ZFHX3: variants seen among roughly 807,000 people sequenced by gnomAD.
ZFHX3 encodes the protein zinc finger homeobox 3.
In ZFHX3, 42 loss-of-function variants were observed where a neutral mutation model predicts 279.1. The observed-to-expected ratio is 0.15, with a 90% confidence interval of 0.12 to 0.19. The LOEUF (loss-of-function observed/expected upper bound fraction) is 0.19. Ranked by LOEUF, ZFHX3 falls within the 10% of genes least tolerant of loss-of-function variation. The pLI is 1.00. For synonymous variants in ZFHX3, 2,293 were observed against 1,957.8 expected (o/e 1.17, Z -4.52); for missense variants, 4,981 against 4,754.0 (o/e 1.05, Z -1.40).
intron 4 of ZFHX3, among the ~76,000 whole-genome samples, chr16:72,831,141 G>A (rs1184401049): frequency 6.6e-6 from 1 of 152,108 alleles, no homozygotes; most frequent in Non-Finnish European, 1.5e-5. Flanking sequence ...CTAGAAAACA[G>A]CCTCTAAATG....
At chr16:73,150,520 T>C (rs1276454032) in intron 5 of ZFHX3, among the ~76,000 whole-genome samples, 2 of 152,222 alleles carry the variant, frequency 1.3e-5, no homozygotes, top group Non-Finnish European at 2.9e-5. Context: ...CTGTTGTAAT[T>C]ATATTATTAT....
At chr16:73,407,677 C>T (rs1446574173) in intron 3 of ZFHX3, among the ~76,000 whole-genome samples, 1 of 152,218 alleles carries the variant, frequency 6.6e-6, no homozygotes, top group Non-Finnish European at 1.5e-5. Context: ...CCCTCCCTTC[C>T]TCTCCTGCAT....
At chr16:73,254,779 T>C (rs1424668977) in intron 5 of ZFHX3, among the ~76,000 whole-genome samples, 1 of 152,238 alleles carries the variant, frequency 6.6e-6, no homozygotes, top group Non-Finnish European at 1.5e-5. Flanking sequence ...TATTTCTAAG[T>C]AAACTAGCTC....
chr16:72,972,888 C>T (rs1314592302), intron 1 of ZFHX3, among the ~76,000 whole-genome samples: 1 of 152,146 alleles, frequency 6.6e-6, no homozygotes, highest in Non-Finnish European at 1.5e-5. Flanking sequence ...TCCACTTATT[C>T]GATAAAATTC....
chr16:73,846,187 T>C (rs561151385), intron 1 of ZFHX3, among the ~76,000 whole-genome samples: 2 of 152,276 alleles, frequency 1.3e-5, no homozygotes, highest in South Asian at 2.1e-4. Flanking sequence ...TCAACATTCA[T>C]GGATCTATAC....
chr16:73,659,763 C>T (rs557393798), intron 2 of ZFHX3, among the ~76,000 whole-genome samples: 13 of 152,172 alleles, frequency 8.5e-5, no homozygotes, highest in East Asian at 3.9e-4. Context: ...CTCATCTGGG[C>T]GTATATCGTG....
At chr16:73,424,753 C>CAAAAAA (rs71156163) in intron 3 of ZFHX3, among the ~76,000 whole-genome samples, 1 of 95,816 alleles carries the variant, frequency 1.0e-5, no homozygotes, top group African/African-American at 4.7e-5. Context: ...TACCCTGTGT[C>CAAAAAA]AAAAAAAAAA....
At chr16:73,441,371 A>C (rs1051727956) in intron 3 of ZFHX3, among the ~76,000 whole-genome samples, 1 of 152,128 alleles carries the variant, frequency 6.6e-6, no homozygotes, top group Non-Finnish European at 1.5e-5. Context: ...CCAGATCAAC[A>C]TCCTGAACTC....
chr16:73,429,920 C>T (rs2017882809), intron 3 of ZFHX3, among the ~76,000 whole-genome samples: 1 of 152,262 alleles, frequency 6.6e-6, no homozygotes, highest in East Asian at 1.9e-4. Context: ...CAGGGCCTTG[C>T]TCTGTCGCCC....
chr16:73,436,189 C>T (rs936216528), intron 3 of ZFHX3, among the ~76,000 whole-genome samples: 1 of 152,166 alleles, frequency 6.6e-6, no homozygotes, highest in Non-Finnish European at 1.5e-5. Flanking sequence ...GCCATGGTGG[C>T]ACATGCCTGT....
chr16:73,497,287 C>CT (rs1388394522), intron 2 of ZFHX3, among the ~76,000 whole-genome samples: 1 of 152,040 alleles, frequency 6.6e-6, no homozygotes, highest in African/African-American at 2.4e-5. Context: ...CAAAAACTGT[C>CT]TGACAAAATC....
chr16:73,834,975 C>A (rs949006489), intron 1 of ZFHX3, among the ~76,000 whole-genome samples: 1 of 152,118 alleles, frequency 6.6e-6, no homozygotes, highest in Non-Finnish European at 1.5e-5. Flanking sequence ...CAAGATTTTG[C>A]AGTGTTTGTA....
chr16:73,647,198 G>C (rs955506270), intron 2 of ZFHX3, among the ~76,000 whole-genome samples: 1 of 151,984 alleles, frequency 6.6e-6, no homozygotes, highest in African/African-American at 2.4e-5. Flanking sequence ...ATTTTTAGTA[G>C]AGACGGGGTT....
chr16:73,534,795 T>G (rs955396330), intron 2 of ZFHX3, among the ~76,000 whole-genome samples: 1 of 152,202 alleles, frequency 6.6e-6, no homozygotes, highest in African/African-American at 2.4e-5. Flanking sequence ...TTTTATAACA[T>G]CAGATGTAAA....
At chr16:73,541,041 C>G (rs546041784) in intron 2 of ZFHX3, among the ~76,000 whole-genome samples, 10 of 152,312 alleles carry the variant, frequency 6.6e-5, no homozygotes, top group South Asian at 6.2e-4. Flanking sequence ...GCCTACCCAG[C>G]AGGAGTTACC....
At chr16:72,962,099 G>A (rs1961608349) in intron 1 of ZFHX3, among the ~76,000 whole-genome samples, 2 of 152,216 alleles carry the variant, frequency 1.3e-5, no homozygotes, top group African/African-American at 2.4e-5. Flanking sequence ...CAGCCCGATT[G>A]TAAAATCAAT....
intron 2 of ZFHX3, among the ~76,000 whole-genome samples, chr16:73,579,854 T>TTATATATA (rs200667144): frequency 0.03 from 4,273 of 140,876 alleles, 280 homozygotes; most frequent in Admixed American, 0.12. Flanking sequence ...ATTATACAGA[T>TTATATATA]TATATATATA....
At chr16:73,676,413 T>TC (rs397712463) in intron 2 of ZFHX3, among the ~76,000 whole-genome samples, 45 of 151,238 alleles carry the variant, frequency 3.0e-4, no homozygotes, top group African/African-American at 7.3e-4. Flanking sequence ...ATGACTTTTT[T>TC]CCCCTTAAAT....
intron 3 of ZFHX3, among the ~76,000 whole-genome samples, chr16:73,356,008 A>G (rs758975462): frequency 1.3e-5 from 2 of 151,884 alleles, no homozygotes; most frequent in Non-Finnish European, 1.5e-5. Flanking sequence ...CAACCTTTCC[A>G]CTGTACACTT....
Sources: gnomAD v4.1 joint callset for allele counts (sites outside exome capture counted in the v4.1 genomes callset) on GRCh38, gnomAD v4.1.1 for gene constraint, MANE v1.5 for transcripts, NCBI Gene and HGNC (gene_info 2026-07-23, HGNC 2026-07-21) for gene names.